Variants in PCGF6 observed in about 807,000 individuals in gnomAD.
PCGF6 encodes the protein polycomb group RING finger protein 6.
PCGF6 carries 24 observed loss-of-function variants against 45.5 expected under a neutral mutation model. That is an observed-to-expected ratio of 0.53 (90% CI 0.38 to 0.74). The LOEUF (loss-of-function observed/expected upper bound fraction) is 0.74. Among genes scored for constraint, PCGF6 ranks in the 30% least tolerant of loss-of-function variants. PCGF6 has a pLI of 0.00. For missense variants in PCGF6, 356 were observed against 443.2 expected (o/e 0.80, Z 1.77); for synonymous variants, 152 against 162.1 (o/e 0.94, Z 0.47).
intron 9 of PCGF6, among the ~76,000 whole-genome samples, chr10:103,310,875 G>C (rs1328559863): frequency 6.6e-6 from 1 of 151,972 alleles, no homozygotes; most frequent in Admixed American, 6.6e-5. Flanking sequence ...GTTAATTTTT[G>C]TATTTCGTAG....
intron 6 of PCGF6, among the ~76,000 whole-genome samples, chr10:103,336,916 C>T (rs1268176495): frequency 1.3e-5 from 2 of 152,116 alleles, no homozygotes; most frequent in African/African-American, 2.4e-5. Flanking sequence ...TAATCAAACA[C>T]GCTTCACCCT....
chr10:103,325,524 A>G (rs2093214923), intron 8 of PCGF6, among the ~76,000 whole-genome samples: 1 of 152,206 alleles, frequency 6.6e-6, no homozygotes, highest in Non-Finnish European at 1.5e-5. Context: ...CTGGGATTAC[A>G]GGCATGAGCC....
intron 8 of PCGF6, among the ~76,000 whole-genome samples, chr10:103,324,453 C>T (rs111643278): frequency 6.6e-6 from 1 of 151,452 alleles, no homozygotes; most frequent in African/African-American, 2.4e-5. Flanking sequence ...AGGTTTCCAT[C>T]GTACAACAAG....
chr10:103,310,681 CA>C (rs869038534), intron 9 of PCGF6, among the ~76,000 whole-genome samples: 231 of 144,584 alleles, frequency 1.6e-3, no homozygotes, highest in African/African-American at 4.2e-3. Context: ...GCAATTATAC[CA>C]AAAAAAAAAA....
chr10:103,325,758 C>T (rs1005777914), intron 8 of PCGF6, among the ~76,000 whole-genome samples: 4 of 151,800 alleles, frequency 2.6e-5, no homozygotes, highest in African/African-American at 9.7e-5. Flanking sequence ...GTGGCTAACT[C>T]CTATAATCCT....
chr10:103,344,166 G>A (rs1209310829), intron 6 of PCGF6, among the ~76,000 whole-genome samples: 1 of 151,276 alleles, frequency 6.6e-6, no homozygotes, highest in Admixed American at 6.6e-5. Flanking sequence ...AATACTGAGT[G>A]AAAAGTATAC....
chr10:103,337,305 G>A (rs2093260690), intron 6 of PCGF6, among the ~76,000 whole-genome samples: 1 of 152,132 alleles, frequency 6.6e-6, no homozygotes, highest in South Asian at 2.1e-4. Context: ...GTATGCAGGT[G>A]TATGTATTAT....
chr10:103,330,284 G>A (rs539442668), intron 7 of PCGF6, among the ~76,000 whole-genome samples: 3 of 151,724 alleles, frequency 2.0e-5, no homozygotes, highest in Admixed American at 6.6e-5. Flanking sequence ...CCATGTTGCC[G>A]AGGCTGGTCT....
Position 103,332,057 on chromosome 10 carries a change from G to A in PCGF6, c.810+1868C>T, listed in dbSNP as rs148087439. On this transcript the variant is annotated intron_variant, in intron 7 of 9. Coordinates refer to ENST00000369847, the MANE Select transcript of PCGF6 (RefSeq NM_001011663.2). ...TCTGCCCACCTCGGCCTCCCAAAGT[G>A]CTGGGATTACAAGCTTGAGCCACCG... Among the ~76,000 whole-genome samples, 275 of 152,210 alleles carry A rather than the reference G, an allele frequency of 1.8e-3. 3 individuals carry two copies. The highest frequency in any genetic ancestry group is 7.4e-4 in the Non-Finnish European group (50 of 67,988).
At chr10:103,308,650 T>C (rs941763637) in intron 9 of PCGF6, among the ~76,000 whole-genome samples, 6 of 151,992 alleles carry the variant, frequency 3.9e-5, no homozygotes, top group South Asian at 2.1e-4. Context: ...GGCAGAAAGA[T>C]TGCCTGAGCC....
intron 6 of PCGF6, among the ~76,000 whole-genome samples, chr10:103,341,310 G>A (rs1388470319): frequency 6.7e-6 from 1 of 150,334 alleles, no homozygotes. Flanking sequence ...AGGCTGGAGT[G>A]CAATGGCACT....
At chr10:103,346,196 T>TAA (rs929742522) in intron 5 of PCGF6, among the ~76,000 whole-genome samples, 3 of 128,040 alleles carry the variant, frequency 2.3e-5, no homozygotes, top group Non-Finnish European at 3.3e-5. Context: ...CCATCTCATT[T>TAA]AAAAAAAAAA....
chr10:103,319,843 G>A (rs1211268812), intron 8 of PCGF6, among the ~76,000 whole-genome samples: 1 of 152,022 alleles, frequency 6.6e-6, no homozygotes, highest in Non-Finnish European at 1.5e-5. Context: ...GTCTTGCTCT[G>A]TCGCCAGGCT....
rs1443429498 is a variant in PCGF6, at chr10:103,303,763, G to A, written c.*142C>T. On this transcript the variant is annotated 3_prime_UTR_variant, in exon 10 of 10. Transcript: ENST00000369847. ...ATCGTTCCAAGTTGTACTTATAAAC[G>A]CTATAATTCTTGGTGCTAAAAATAG... The A allele has an allele frequency of 3.0e-6, 2 of 662,754 alleles. No homozygotes were observed. The highest frequency in any genetic ancestry group is 2.6e-5 in the Admixed American group (1 of 39,086). 41.1% of individuals were successfully genotyped at this position (662,754 alleles called of 1,614,324 possible).
In PCGF6 at chr10:103,303,762, C is replaced by T. The variant is rs35844802; in HGVS notation, c.*143G>A. 5 of 662,284 alleles carry T rather than the reference C, an allele frequency of 7.5e-6. No individual in the cohort carries two copies. Among genetic ancestry groups the T allele is most frequent in the African/African-American group, 3.6e-5 (2 of 55,848 alleles). 41.0% of individuals were successfully genotyped at this position (662,284 alleles called of 1,614,324 possible). A position where few individuals can be genotyped will look rare whatever the true frequency, so the allele number is the denominator to read the frequency against. On this transcript the variant is annotated 3_prime_UTR_variant, in exon 10 of 10. Transcript: ENST00000369847. ...CATCGTTCCAAGTTGTACTTATAAA[C>T]GCTATAATTCTTGGTGCTAAAAATA... is the stretch of plus-strand genomic sequence containing the variant.
chr10:103,349,481 T>G (rs1172881314), intron 1 of PCGF6, among the ~76,000 whole-genome samples: 1 of 114,434 alleles, frequency 8.7e-6, no homozygotes, highest in African/African-American at 3.0e-5. Flanking sequence ...TTCTTTCCGT[T>G]TTTTTTTTTT....
rs2093208014 is a variant in PCGF6, at chr10:103,324,156, C to T, written c.909+2378G>A. 2.0e-5 allele frequency among the ~76,000 whole-genome samples: 3 copies of T among 151,668 alleles called. No individual in the cohort carries two copies. The East Asian group carries it at 5.8e-4, about 30-fold the overall frequency. On this transcript the variant is annotated intron_variant, in intron 8 of 9. Transcript: ENST00000369847. ...GTTTCACCGTGTTGGCCAGGCTGGT[C>T]TCAAACTCCTGACCTCAAATGATCC...
rs760218812 is a variant in PCGF6, at chr10:103,326,557, T to A, written c.886A>T (p.Met296Leu). Residue 296 changes from methionine (M) to leucine (L), a missense_variant, in exon 8 of 10, where the codon ATG becomes TTG. Met to Leu is a conservative substitution (Grantham distance 15). Coordinates refer to ENST00000369847, the MANE Select transcript of PCGF6 (RefSeq NM_001011663.2). ...GHVEKFLRRK[M>L]GLDPACQVDI... ...ACCTGACAAGCTGGATCAAGACCCATTTTTCTTCTGAGGAATTTTTCTACA... is the reference window on the plus strand; with the variant it reads ...ACCTGACAAGCTGGATCAAGACCCAATTTTCTTCTGAGGAATTTTTCTACA... 1 of 1,611,530 alleles carries A rather than the reference T, an allele frequency of 6.2e-7. No individual in the cohort carries two copies.
intron 9 of PCGF6, among the ~76,000 whole-genome samples, chr10:103,309,399 T>C (rs1459141961): frequency 6.6e-6 from 1 of 152,210 alleles, no homozygotes. Flanking sequence ...TTGTGTGATA[T>C]GGTTGTTTAA....
Sources: gnomAD v4.1 joint callset for allele counts (sites outside exome capture counted in the v4.1 genomes callset) on GRCh38, gnomAD v4.1.1 for gene constraint, MANE v1.5 for transcripts, NCBI Gene and HGNC (gene_info 2026-07-23, HGNC 2026-07-21) for gene names.